The following CLTC variants were observed in gnomAD, a reference collection of about 807,000 sequenced individuals.
CLTC encodes the protein clathrin heavy chain 1.
In CLTC, 16 loss-of-function variants were observed where a neutral mutation model predicts 195.8. The observed-to-expected ratio is 0.08, with a 90% CI of 0.06 to 0.12. The LOEUF is 0.12. CLTC is among the 10% of genes least tolerant of loss of function. CLTC has a pLI of 1.00. For missense variants in CLTC, 796 were observed against 2,027.0 expected (o/e 0.39, Z 11.66); for synonymous variants, 667 against 689.4 (o/e 0.97, Z 0.51).
chr17:59,685,062 C>T lies in CLTC; in HGVS notation c.4441C>T (p.Arg1481Ter). Residue 1481 changes from arginine (R) to a stop codon, truncating the protein, a stop_gained, in exon 29 of 32, where the codon CGA (arginine) becomes TGA (stop). Transcript: ENST00000269122. LOFTEE classifies it high-confidence loss of function. This position sits in a 1 kb window ranked among gnomAD's most constrained non-coding sequence, Gnocchi z 5.0. The part of the protein sequence containing the change: ...FITEEDYQAL[R>*]TSIDAYDNFD... ...ATGGCTTTTTTTTTTTAAGGCTCTG[C>T]GAACATCAATAGATGCTTATGACAA... 1 of 1,562,814 alleles carries T rather than the reference C, an allele frequency of 6.4e-7. No individual in the cohort carries two copies.
intron 13 of CLTC, among the ~76,000 whole-genome samples, chr17:59,667,233 G>A (rs1025706941): frequency 3.3e-5 from 5 of 152,146 alleles, no homozygotes; most frequent in African/African-American, 7.2e-5. Flanking sequence ...ATATGTAGTG[G>A]TGTTGAAATT....
At position 59,683,495 on chromosome 17, in the gene CLTC, G is replaced by A; in HGVS notation, c.4150G>A (p.Asp1384Asn). ...AATTACCATGATGAATCATCCAACT[G>A]ATGCCTGGAAAGAAGGGCAATTCAA... ...AIITMMNHPT[D>N]AWKEGQFKDI... is the part of the protein sequence containing the mutation. Residue 1384 changes from aspartate (D) to asparagine (N), a missense_variant, in exon 26 of 32, where the codon GAT becomes AAT. Physicochemically the swap from Asp to Asn is conservative, Grantham distance 23. This residue lies in a region of CLTC where 102 missense variants were observed against 317.6 expected (regional missense o/e 0.32). Coordinates refer to ENST00000269122, the MANE Select transcript of CLTC (RefSeq NM_004859.4). This position sits in a 1 kb window ranked among gnomAD's most constrained non-coding sequence, Gnocchi z 6.1. 3 of 1,614,020 alleles carry A rather than the reference G, an allele frequency of 1.9e-6. No individual in the cohort carries two copies. Among genetic ancestry groups the A allele is most frequent in the Non-Finnish European group, 2.5e-6 (3 of 1,179,968 alleles).
At chr17:59,665,831 ACT>A (rs2032717811) in intron 10 of CLTC, among the ~76,000 whole-genome samples, 1 of 152,062 alleles carries the variant, frequency 6.6e-6, no homozygotes, top group South Asian at 2.1e-4. Flanking sequence ...TAAGAGCGAA[ACT>A]CTGCCTCAAA....
chr17:59,662,075 C>G (rs2032622487), intron 8 of CLTC, among the ~76,000 whole-genome samples: 1 of 151,132 alleles, frequency 6.6e-6, no homozygotes, highest in African/African-American at 2.4e-5. Context: ...TGCACTCCAG[C>G]CTGGGTGATA....
intron 1 of CLTC, among the ~76,000 whole-genome samples, chr17:59,626,254 G>C (rs2031547402): frequency 6.6e-6 from 1 of 152,094 alleles, no homozygotes. Flanking sequence ...ACTTGATTGT[G>C]GATCTTTTAT....
chr17:59,630,993 G>A (rs2031695651), intron 1 of CLTC, among the ~76,000 whole-genome samples: 1 of 152,242 alleles, frequency 6.6e-6, no homozygotes, highest in African/African-American at 2.4e-5. Flanking sequence ...GTTTTCCACA[G>A]TGGTGGCACC....
Position 59,651,252 on chromosome 17 carries a change from C to T in CLTC, c.731C>T (p.Pro244Leu), listed in dbSNP as rs2032321532. The T allele has an allele frequency of 1.2e-6, 2 of 1,613,960 alleles. No homozygotes were observed. The highest frequency in any genetic ancestry group is 1.7e-6 in the Non-Finnish European group (2 of 1,179,938). The change falls in exon 5 of 32, where the codon CCA becomes CTA. Residue 244 changes from proline (P) to leucine (L), a missense_variant. By Grantham distance (98) the Pro-to-Leu change is moderately conservative. Coordinates refer to ENST00000269122, the MANE Select transcript of CLTC (RefSeq NM_004859.4). ...CCACCTACAGGGAACCAGCCCTTTC[C>T]AAAGAAGGCAGTGGATGTCTTCTTT... ...GTPPTGNQPF[P>L]KKAVDVFFPP...
intron 18 of CLTC, 91 bp downstream of exon 18, chr17:59,679,610 G>A (rs2033040546): frequency 9.3e-6 from 11 of 1,180,592 alleles, no homozygotes; most frequent in South Asian, 2.1e-5. Flanking sequence ...GTACTCAAAT[G>A]GATCATATAT....
chr17:59,681,804 C>G lies in CLTC; in HGVS notation c.3407C>G (p.Ser1136Cys). 6.2e-7 allele frequency: 1 copy of G among 1,613,772 alleles called. No individual in the cohort carries two copies. ...DSYIKADDPSSYMEVVQAANT... is the reference protein window; with the variant it reads ...DSYIKADDPSCYMEVVQAANT... The stretch of plus-strand genomic sequence containing the variant: ...TATATCAAAGCAGATGATCCTTCCT[C>G]CTACATGGAAGTTGTTCAGGCTGCC... Residue 1136 changes from serine to cysteine, a missense_variant, in exon 21 of 32, where the codon TCC (serine) becomes TGC (cysteine). By Grantham distance (112) the Ser-to-Cys change is moderately radical. Coordinates refer to ENST00000269122, the MANE Select transcript of CLTC (RefSeq NM_004859.4). This position sits in a 1 kb window ranked among gnomAD's most constrained non-coding sequence, Gnocchi z 5.0.
In CLTC at chr17:59,681,682, A is replaced by G. The variant is rs746304254; in HGVS notation, c.3285A>G (p.Ala1095=). 6.2e-7 allele frequency: 1 copy of G among 1,613,928 alleles called. No individual in the cohort carries two copies. The highest frequency in any genetic ancestry group is 8.5e-7 in the Non-Finnish European group (1 of 1,179,876). The change falls in exon 21 of 32, where the codon GCA becomes GCG. Residue 1095 remains alanine, a synonymous_variant. Transcript: ENST00000269122. This position sits in a 1 kb window ranked among gnomAD's most constrained non-coding sequence, Gnocchi z 5.0. The stretch of plus-strand genomic sequence containing the variant: ...AGCATATTGGAAACTTGGATCGGGC[A>G]TATGAGTTTGCTGAACGTTGCAATG... ...LIEHIGNLDR[A]YEFAERCNEP...
In CLTC at chr17:59,653,548, C is replaced by T. The variant is rs193147826; in HGVS notation, c.795+2232C>T. ...CCTCCTCTCTCCCCCTCTTTCTTTC[C>T]CTTTCCCTCTCCCTCTTTAAAGAGA... On this transcript the variant is annotated intron_variant, in intron 5 of 31. Coordinates refer to ENST00000269122, the MANE Select transcript of CLTC (RefSeq NM_004859.4). Among the ~76,000 whole-genome samples, 42 of 151,086 alleles carry T rather than the reference C, an allele frequency of 2.8e-4. 1 individual carries two copies. The East Asian group carries it at 7.0e-3, about 25-fold the overall frequency.
chr17:59,682,679 G>A lies in CLTC; in HGVS notation c.3651G>A (p.Leu1217=), dbSNP rs751625980. The A allele has an allele frequency of 1.5e-5, 24 of 1,614,016 alleles. No individual in the cohort carries two copies. The East Asian group carries it at 4.0e-4, about 27-fold the overall frequency. Residue 1217 remains leucine (L), a synonymous_variant, in exon 23 of 32, where the codon TTG becomes TTA. Coordinates refer to ENST00000269122, the MANE Select transcript of CLTC (RefSeq NM_004859.4). This position sits in a 1 kb window ranked among gnomAD's most constrained non-coding sequence, Gnocchi z 6.8. ...DEKMYDAAKL[L]YNNVSNFGRL... ...AAATGTATGATGCTGCTAAGTTGTT[G>A]TACAATAATGTTTCCAATTTTGGAC...
At position 59,695,546 on chromosome 17, in the gene CLTC, T is replaced by TACTC. The variant is rs1488016885; in HGVS notation, c.*1696_*1699dup. On this transcript the variant is annotated 3_prime_UTR_variant, in exon 32 of 32. Coordinates refer to ENST00000269122, the MANE Select transcript of CLTC (RefSeq NM_004859.4). ...TGGATGCCTATAAGATCCTAGCTGC[T>TACTC]ACTCAGGAGGCAGGAGGCTGAGGCA... 1 of 177,650 alleles carries TACTC rather than the reference T, an allele frequency of 5.6e-6. No homozygotes were observed. Among genetic ancestry groups the TACTC allele is most frequent in the Non-Finnish European group, 1.2e-5 (1 of 82,768 alleles). 11.0% of individuals were successfully genotyped at this position (177,650 alleles called of 1,614,324 possible). A position where few individuals can be genotyped will look rare whatever the true frequency, so the allele number is the denominator to read the frequency against.
intron 1 of CLTC, among the ~76,000 whole-genome samples, chr17:59,626,683 A>G (rs1372933117): frequency 6.6e-6 from 1 of 152,202 alleles, no homozygotes; most frequent in Non-Finnish European, 1.5e-5. Flanking sequence ...ACTTCATGAA[A>G]TAAACCTGTC....
At position 59,620,048 on chromosome 17, in the gene CLTC, TCTC is replaced by T. The variant is rs753937024; in HGVS notation, c.-77_-75del. 7.3e-5 allele frequency: 95 copies of T among 1,298,106 alleles called. No homozygotes were observed. Among genetic ancestry groups the T allele is most frequent in the Non-Finnish European group, 1.0e-4 (90 of 904,242 alleles). The allele number at this position is 1,298,106 out of a possible 1,614,324, so 80.4% of individuals were successfully genotyped here. A position where few individuals can be genotyped will look rare whatever the true frequency, so the allele number is the denominator to read the frequency against. The stretch of plus-strand genomic sequence containing the variant: ...CTGAGCCCAGCCTCCCCCCTCCCCT[TCTC>T]CTCCTCTCCCTTGGAGAGCCCGGGC... On this transcript the variant is annotated 5_prime_UTR_variant, in exon 1 of 32. Transcript: ENST00000269122.
At chr17:59,641,090 G>A (rs1304074945) in intron 1 of CLTC, among the ~76,000 whole-genome samples, 1 of 149,204 alleles carries the variant, frequency 6.7e-6, no homozygotes, top group South Asian at 2.1e-4. Flanking sequence ...CTGCATTCCA[G>A]CCTGGTGACA....
intron 6 of CLTC, among the ~76,000 whole-genome samples, chr17:59,660,157 C>T (rs2032576092): frequency 6.6e-6 from 1 of 152,170 alleles, no homozygotes; most frequent in East Asian, 1.9e-4. Context: ...TATAGAATAG[C>T]CATATTTTAG....
intron 1 of CLTC, among the ~76,000 whole-genome samples, chr17:59,631,005 T>C (rs1201859281): frequency 6.6e-6 from 1 of 152,246 alleles, no homozygotes; most frequent in Non-Finnish European, 1.5e-5. Flanking sequence ...GGTGGCACCA[T>C]TTGACATGCC....
At chr17:59,653,809 A>G (rs137870377) in intron 5 of CLTC, among the ~76,000 whole-genome samples, 34 of 147,124 alleles carry the variant, frequency 2.3e-4, no homozygotes, top group Non-Finnish European at 3.4e-4. Context: ...GAGTCTCTCT[A>G]TTGCCCAGAC....
Sources: gnomAD v4.1 joint callset for allele counts (sites outside exome capture counted in the v4.1 genomes callset) on GRCh38, gnomAD v4.1.1 for gene constraint, gnomAD v4.1.1 regional missense constraint, Gnocchi (gnomAD v3.1) non-coding constraint, MANE v1.5 for transcripts, NCBI Gene and HGNC (gene_info 2026-07-23, HGNC 2026-07-21) for gene names.